MIA3: variants seen among roughly 807,000 people sequenced by gnomAD.
MIA3 encodes the protein transport and Golgi organization protein 1 homolog.
In MIA3, 90 loss-of-function variants were observed where a neutral mutation model predicts 192.4. That is an observed-to-expected ratio of 0.47 (90% CI 0.39 to 0.56). MIA3 has a LOEUF of 0.56. Ranked by LOEUF, MIA3 falls within the 20% of genes least tolerant of loss-of-function variation. The pLI, the probability that MIA3 is intolerant of heterozygous loss-of-function variation, is 0.00. For missense variants in MIA3, 2,123 were observed against 2,269.4 expected, an observed-to-expected ratio of 0.94 and a Z score of 1.31; for synonymous variants, 740 against 792.8, an observed-to-expected ratio of 0.93 and a Z score of 1.12.
intron 18 of MIA3, 124 bp downstream of exon 18, chr1:222,654,917 G>GTCTT (rs1423638736): frequency 3.3e-6 from 3 of 898,468 alleles, no homozygotes; most frequent in South Asian, 3.9e-5. Context: ...GTATAAATTT[G>GTCTT]TCTTTCTTTC....
chr1:222,642,814 A>G (rs1662923278), intron 6 of MIA3, among the ~76,000 whole-genome samples: 1 of 152,194 alleles, frequency 6.6e-6, no homozygotes, highest in Non-Finnish European at 1.5e-5. Flanking sequence ...GAGGCAGAGC[A>G]TGTTTCCATA....
chr1:222,637,143 T>C (rs1056146143), intron 6 of MIA3, among the ~76,000 whole-genome samples: 5 of 152,250 alleles, frequency 3.3e-5, no homozygotes, highest in Admixed American at 6.5e-5. Context: ...CTTTCTGTTA[T>C]TATTGCAGTG....
rs747412051 is a variant in MIA3, at chr1:222,632,278, G to A, written c.3283G>A (p.Ala1095Thr). The change falls in exon 5 of 28, where the codon GCC becomes ACC. Residue 1095 changes from alanine to threonine, a missense_variant. Physicochemically the swap from Ala to Thr is moderately conservative, Grantham distance 58. Coordinates refer to ENST00000344922, the MANE Select transcript of MIA3 (RefSeq NM_198551.4). The part of the protein sequence containing the change: ...LDQRVIGDTH[A>T]SEVSQKPNTE... The stretch of plus-strand genomic sequence containing the variant: ...CCAACGTGTGATTGGGGACACTCAT[G>A]CCTCAGAAGTGTCACAGAAGCCAAA... 1 of 1,614,180 alleles carries A rather than the reference G, an allele frequency of 6.2e-7. No homozygotes were observed. Among genetic ancestry groups the A allele is most frequent in the East Asian group, 2.2e-5 (1 of 44,884 alleles).
At position 222,630,132 on chromosome 1, in the gene MIA3, T is replaced by A; in HGVS notation, c.2912T>A (p.Met971Lys). Reference protein sequence around the residue: ...SAQQESLPYNMEKVLDKVFRA... With the variant: ...SAQQESLPYNKEKVLDKVFRA... ...CAGCAGGAGAGCCTGCCCTATAATATGGAAAAAGTCCTAGATAAGGTCTTC... is the reference window on the plus strand; with the variant it reads ...CAGCAGGAGAGCCTGCCCTATAATAAGGAAAAAGTCCTAGATAAGGTCTTC... The change falls in exon 4 of 28, where the codon ATG becomes AAG. Residue 971 changes from methionine (M) to lysine (K), a missense_variant. Around this residue, in one of 3 missense-constraint regions of MIA3, gnomAD observed 1,357 missense variants for 1,396.1 expected, o/e 0.97. Coordinates refer to ENST00000344922, the MANE Select transcript of MIA3 (RefSeq NM_198551.4). The A allele has an allele frequency of 6.2e-7, 1 of 1,614,186 alleles. No individual in the cohort carries two copies. Among genetic ancestry groups the A allele is most frequent in the South Asian group, 1.1e-5 (1 of 91,078 alleles).
chr1:222,632,320 G>A lies in MIA3; in HGVS notation c.3325G>A (p.Asp1109Asn), dbSNP rs1231982536. 1.2e-6 allele frequency: 2 copies of A among 1,612,178 alleles called. No individual in the cohort carries two copies. Among genetic ancestry groups the A allele is most frequent in the Admixed American group, 1.7e-5 (1 of 59,576 alleles). Residue 1109 changes from aspartate (D) to asparagine (N), a missense_variant, in exon 5 of 28, where the codon GAC (aspartate) becomes AAC (asparagine). Physicochemically the swap from Asp to Asn is conservative, Grantham distance 23. Coordinates refer to ENST00000344922, the MANE Select transcript of MIA3 (RefSeq NM_198551.4). ...GAAGCCAAATACTGAGAAAGACCTG[G>A]ACCCAGGTAAAGCCTGCTAATTTTT... is the stretch of plus-strand genomic sequence containing the variant. Reference protein sequence around the residue: ...SQKPNTEKDLDPGPVTTEDTP... With the variant: ...SQKPNTEKDLNPGPVTTEDTP...
chr1:222,634,528 T>C (rs1051525715), intron 6 of MIA3, among the ~76,000 whole-genome samples: 4 of 152,120 alleles, frequency 2.6e-5, no homozygotes, highest in African/African-American at 9.7e-5. Flanking sequence ...TTCAGATCTT[T>C]CTAAAGGGAG....
intron 15 of MIA3, 110 bp from the exon 16 acceptor site, chr1:222,654,133 T>G: frequency 9.6e-7 from 1 of 1,042,992 alleles, no homozygotes; most frequent in Non-Finnish European, 1.4e-6. Flanking sequence ...TTTTGTTTGT[T>G]CTTTAAATGT....
chr1:222,662,033 G>T, intron 24 of MIA3, 23 bp from the exon 25 acceptor site: 1 of 1,595,322 alleles, frequency 6.3e-7, no homozygotes, highest in South Asian at 1.1e-5. Flanking sequence ...TACATATAAG[G>T]ACTCTGTTAT....
rs997280648 is a variant in MIA3 at position 222,667,878 on chromosome 1, A to G, written c.*2259A>G. 61 of 152,242 alleles carry G rather than the reference A, an allele frequency of 4.0e-4. No homozygotes were observed. Among genetic ancestry groups the G allele is most frequent in the African/African-American group, 1.4e-3 (57 of 41,464 alleles). 9.4% of individuals were successfully genotyped at this position (152,242 alleles called of 1,614,324 possible). ...CATAGTTGTTGTAGTTATATCGCCA[A>G]TGGCTGATTTTTTTCATTGGAAAGT... On this transcript the variant is annotated 3_prime_UTR_variant, in exon 28 of 28. Coordinates refer to ENST00000344922, the MANE Select transcript of MIA3 (RefSeq NM_198551.4).
rs369712193 is a variant in MIA3, at chr1:222,618,641, C to T, written c.133+398C>T. On this transcript the variant is annotated intron_variant, in intron 1 of 27. Transcript: ENST00000344922. ...AGGGTAGATGTGGTTGCGCGCCGCG[C>T]GTCTGGGCTCCCCACGCCGCAACCA... Among the ~76,000 whole-genome samples, 12 of 152,236 alleles carry T rather than the reference C, an allele frequency of 7.9e-5. No individual in the cohort carries two copies. In the East Asian group the frequency reaches 2.1e-3, roughly 27 times the overall value.
intron 18 of MIA3, among the ~76,000 whole-genome samples, chr1:222,658,030 A>G (rs2088514): frequency 0.22 from 34,247 of 152,228 alleles, 4,280 homozygotes; most frequent in Admixed American, 0.34. Flanking sequence ...AATCTGTGTT[A>G]TAGTTGGCTA....
intron 3 of MIA3, among the ~76,000 whole-genome samples, chr1:222,627,061 G>C (rs779848466): frequency 6.6e-6 from 1 of 152,216 alleles, no homozygotes; most frequent in Non-Finnish European, 1.5e-5. Context: ...ACAAAATTGA[G>C]AGACCCAGGA....
chr1:222,644,345 G>T, intron 6 of MIA3: 1 of 1,483,772 alleles, frequency 6.7e-7, no homozygotes. Flanking sequence ...GCAGGCAGCT[G>T]TGGAAGGCGA....
intron 2 of MIA3, among the ~76,000 whole-genome samples, chr1:222,623,373 T>G (rs2124824328): frequency 6.6e-6 from 1 of 152,264 alleles, no homozygotes; most frequent in Non-Finnish European, 1.5e-5. Flanking sequence ...GTATTTCCCT[T>G]TCCCTATATA....
In MIA3 at chr1:222,628,462, T is replaced by A; in HGVS notation, c.1242T>A (p.Asp414Glu). ...ESSSSEEEKE[D>E]DDDALVPDSK... ...CTAGTTCAGAGGAAGAAAAAGAAGA[T>A]GATGATGATGCATTAGTCCCAGATA... Residue 414 changes from aspartate (D) to glutamate (E), a missense_variant, in exon 4 of 28, where the codon GAT becomes GAA. By Grantham distance (45) the Asp-to-Glu change is conservative. This residue lies in a region of MIA3 where 1,357 missense variants were observed against 1,396.1 expected (regional missense o/e 0.97). Coordinates refer to ENST00000344922, the MANE Select transcript of MIA3 (RefSeq NM_198551.4). 6.2e-7 allele frequency: 1 copy of A among 1,612,444 alleles called. No homozygotes were observed. Among genetic ancestry groups the A allele is most frequent in the Non-Finnish European group, 8.5e-7 (1 of 1,179,612 alleles).
chr1:222,644,561 C>T (rs1019027839), intron 6 of MIA3: 4 of 1,550,652 alleles, frequency 2.6e-6, no homozygotes, highest in Non-Finnish European at 3.5e-6. Flanking sequence ...GTGCTCTACG[C>T]AGCCTTCATA....
chr1:222,652,284 C>A lies in MIA3; in HGVS notation c.4038C>A (p.Cys1346Ter). The A allele has an allele frequency of 6.2e-7, 1 of 1,613,666 alleles. No homozygotes were observed. The highest frequency in any genetic ancestry group is 8.5e-7 in the Non-Finnish European group (1 of 1,179,812). ...KLSEEKVKSECHRVQEENARL... is the reference protein window; with the variant it reads ...KLSEEKVKSE ...GTGAAGAGAAGGTGAAGTCTGAATGCCATCGGGTTCAAGAAGAAAATGCTA... is the reference window on the plus strand; with the variant it reads ...GTGAAGAGAAGGTGAAGTCTGAATGACATCGGGTTCAAGAAGAAAATGCTA... Residue 1346 changes from cysteine to a stop codon, truncating the protein, a stop_gained, in exon 13 of 28, where the codon TGC (cysteine) becomes TGA (stop). Coordinates refer to ENST00000344922, the MANE Select transcript of MIA3 (RefSeq NM_198551.4). LOFTEE classifies it high-confidence loss of function.
At position 222,633,118 on chromosome 1, in the gene MIA3, G is replaced by T; in HGVS notation, c.3346G>T (p.Glu1116Ter). 1 of 1,601,590 alleles carries T rather than the reference G, an allele frequency of 6.2e-7. No individual in the cohort carries two copies. Among genetic ancestry groups the T allele is most frequent in the Non-Finnish European group, 8.5e-7 (1 of 1,176,610 alleles). ...KDLDPGPVTT[E>*]DTPMDAIDAN... Reference sequence around the variant, plus strand: ...CCCAATTCCAGGGCCAGTTACAACAGAAGACACTCCTATGGATGCTATTGA... The same window carrying T: ...CCCAATTCCAGGGCCAGTTACAACATAAGACACTCCTATGGATGCTATTGA... The change falls in exon 6 of 28, where the codon GAA becomes TAA. Residue 1116 changes from glutamate to a stop codon, truncating the protein, a stop_gained. Coordinates refer to ENST00000344922, the MANE Select transcript of MIA3 (RefSeq NM_198551.4). LOFTEE classifies it high-confidence loss of function.
At chr1:222,646,727 CTG>C (rs1234758946) in intron 7 of MIA3, among the ~76,000 whole-genome samples, 3 of 152,174 alleles carry the variant, frequency 2.0e-5, no homozygotes, top group South Asian at 2.1e-4. Context: ...AAGTGAGACT[CTG>C]TCTCAAAAAA....
Sources: gnomAD v4.1 joint callset for allele counts (sites outside exome capture counted in the v4.1 genomes callset) on GRCh38, gnomAD v4.1.1 for gene constraint, gnomAD v4.1.1 regional missense constraint, MANE v1.5 for transcripts, NCBI Gene and HGNC (gene_info 2026-07-23, HGNC 2026-07-21) for gene names.